The following PFN1 variants were observed in gnomAD, a reference collection of about 807,000 sequenced individuals.
PFN1 encodes profilin-1.
In PFN1, 2 loss-of-function variants were observed where a neutral mutation model predicts 11.7. The observed-to-expected ratio is 0.17, with a 90% CI of 0.07 to 0.54. The LOEUF is 0.54. PFN1 is among the 20% of genes least tolerant of loss of function. The pLI, the probability that PFN1 is intolerant of heterozygous loss-of-function variation, is 0.94. For synonymous variants in PFN1, 78 were observed against 76.2 expected (o/e 1.02, Z -0.12); for missense variants, 97 against 188.4 (o/e 0.51, Z 2.84).
chr17:4,946,609 G>T lies in PFN1; in HGVS notation c.325+19C>A. 6.3e-7 allele frequency: 1 copy of T among 1,586,906 alleles called. No individual in the cohort carries two copies. The highest frequency in any genetic ancestry group is 1.1e-5 in the South Asian group (1 of 87,504). On this transcript the variant is annotated intron_variant, in intron 2 of 2. Coordinates refer to ENST00000225655, the MANE Select transcript of PFN1 (RefSeq NM_005022.4). Reference sequence around the variant, plus strand: ...TAGAGATCTTGGAGCTAAAGGAAGGGTAAGACTCAGGAACTCACTCTTGTC... The same window carrying T: ...TAGAGATCTTGGAGCTAAAGGAAGGTTAAGACTCAGGAACTCACTCTTGTC...
intron 1 of PFN1, chr17:4,947,073 G>C: frequency 2.8e-6 from 1 of 352,392 alleles, no homozygotes; most frequent in East Asian, 4.6e-5. Flanking sequence ...CTCCTCTAGA[G>C]ATTTAGATGT....
rs561252974 is a variant in PFN1, at chr17:4,945,832, T to G, written c.*68A>C. On this transcript the variant is annotated 3_prime_UTR_variant, in exon 3 of 3. Transcript: ENST00000225655. ...TAATGGCCCAAAAAATAAAATGGTT[T>G]GTGTGTGTATGGGGAGGAAAGGGGT... 2.9e-6 allele frequency: 3 copies of G among 1,043,996 alleles called. No individual in the cohort carries two copies. Among genetic ancestry groups the G allele is most frequent in the Non-Finnish European group, 4.5e-6 (3 of 664,206 alleles). 64.7% of individuals were successfully genotyped at this position (1,043,996 alleles called of 1,614,324 possible).
rs766371231 is a variant in PFN1 at position 4,946,797 on chromosome 17, A to T, written c.156T>A (p.Val52=). The T allele has an allele frequency of 1.2e-6, 2 of 1,613,290 alleles. No homozygotes were observed. Among genetic ancestry groups the T allele is most frequent in the Non-Finnish European group, 1.7e-6 (2 of 1,179,622 alleles). ...CGTAAAAACTTGACCGGTCTTTGCC[A>T]ACCAGGACACCCACCTCAGCTGGCT... The part of the protein sequence containing the change: ...NITPAEVGVL[V]GKDRSSFYVN... The change falls in exon 2 of 3, where the codon GTT becomes GTA. Residue 52 remains valine, a synonymous_variant. Coordinates refer to ENST00000225655, the MANE Select transcript of PFN1 (RefSeq NM_005022.4).
In PFN1 at chr17:4,945,716, A is replaced by T. The variant is rs1971369329; in HGVS notation, c.*184T>A. ...CAAAAAACAAAAGTTTTCCAACCAC[A>T]CACGGGAGGGATATGGGTAGGGGGA... is the stretch of plus-strand genomic sequence containing the variant. On this transcript the variant is annotated 3_prime_UTR_variant, in exon 3 of 3. Coordinates refer to ENST00000225655, the MANE Select transcript of PFN1 (RefSeq NM_005022.4). The T allele has an allele frequency of 2.1e-6, 1 of 486,580 alleles. No individual in the cohort carries two copies. Among genetic ancestry groups the T allele is most frequent in the South Asian group, 3.9e-5 (1 of 25,904 alleles). The allele number at this position is 486,580 out of a possible 1,614,324, so 30.1% of individuals were successfully genotyped here. A position where few individuals can be genotyped will look rare whatever the true frequency, so the allele number is the denominator to read the frequency against.
rs761974632 is a variant in PFN1 at position 4,948,244 on chromosome 17, C to T, written c.132+19G>A. On this transcript the variant is annotated intron_variant, in intron 1 of 2. Transcript: ENST00000225655. ...TCCAAACCGGAGCAGTGCCCCGGAC[C>T]GCGCAGGCCTCGCAGTACCGTGATG... is the stretch of plus-strand genomic sequence containing the variant. 1.9e-6 allele frequency: 3 copies of T among 1,591,178 alleles called. No homozygotes were observed. Among genetic ancestry groups the T allele is most frequent in the Non-Finnish European group, 2.6e-6 (3 of 1,169,698 alleles).
chr17:4,947,076 TTA>T, intron 1 of PFN1: 1 of 343,666 alleles, frequency 2.9e-6, no homozygotes, highest in Non-Finnish European at 5.3e-6. Context: ...CTCTAGAGAT[TTA>T]GATGTCAGTG....
intron 1 of PFN1, 87 bp from the exon 2 acceptor site, chr17:4,946,907 C>A (rs552760995): frequency 2.9e-5 from 34 of 1,191,572 alleles, no homozygotes; most frequent in Admixed American, 4.6e-5. Flanking sequence ...TCTTCCACTT[C>A]TGAGAACCAC....
intron 1 of PFN1, 105 bp downstream of exon 1, chr17:4,948,158 C>G: frequency 7.4e-7 from 1 of 1,346,766 alleles, no homozygotes; most frequent in East Asian, 2.7e-5. Flanking sequence ...AGCACCCAGT[C>G]AGGGCCTCTC....
intron 2 of PFN1, among the ~76,000 whole-genome samples, 163 bp from the exon 3 acceptor site, chr17:4,946,160 CAAT>C (rs1567665420): frequency 1.7e-5 from 2 of 119,384 alleles, no homozygotes; most frequent in African/African-American, 3.2e-5. Context: ...CACCCTGAAA[CAAT>C]AAGGCTTTTC....
At chr17:4,948,052 G>A in intron 1 of PFN1, 1 of 485,866 alleles carries the variant, frequency 2.1e-6, no homozygotes, top group Non-Finnish European at 3.5e-6. Context: ...AAGCGGGGTA[G>A]CGGGCGGGAT....
At chr17:4,948,236 C>T (rs376748384) in intron 1 of PFN1, 27 bp downstream of exon 1, 13 of 1,585,298 alleles carry the variant, frequency 8.2e-6, no homozygotes, top group Non-Finnish European at 6.9e-6. Flanking sequence ...CGGAGCAGTG[C>T]CCCGGACCGC....
rs557936205 is a variant in PFN1, at chr17:4,946,046, T to A, written c.326-49A>T. On this transcript the variant is annotated intron_variant, in intron 2 of 2. Coordinates refer to ENST00000225655, the MANE Select transcript of PFN1 (RefSeq NM_005022.4). ...GAGGCTAGGATCCAGGTGTCACAAT[T>A]CCACCCCCTGCCAGCTGTTCAGCAG... 4.2e-4 allele frequency: 577 copies of A among 1,371,534 alleles called. 10 individuals are homozygous for A. In the South Asian group the frequency reaches 6.4e-3, roughly 15 times the overall value. The allele number at this position is 1,371,534 out of a possible 1,614,324, so 85.0% of individuals were successfully genotyped here.
intron 1 of PFN1, chr17:4,947,505 C>T (rs1027254134): frequency 2.0e-5 from 3 of 151,050 alleles, no homozygotes; most frequent in African/African-American, 7.3e-5. Flanking sequence ...ACCCCCTTCC[C>T]CCCCCTTTTG....
At chr17:4,947,989 G>A (rs893564544) in intron 1 of PFN1, 5 of 362,676 alleles carry the variant, frequency 1.4e-5, no homozygotes, top group African/African-American at 1.1e-4. Flanking sequence ...CCGCCGCACC[G>A]GGCGCCGCGC....
intron 1 of PFN1, chr17:4,947,057 G>A: frequency 2.3e-6 from 1 of 430,130 alleles, no homozygotes; most frequent in South Asian, 4.4e-5. Context: ...AGGAAGGGAT[G>A]ACATACTCCT....
rs151313170 is a variant in PFN1 at position 4,945,972 on chromosome 17, T to A, written c.351A>T (p.Glu117Asp). The A allele has an allele frequency of 1.1e-3, 1,750 of 1,613,184 alleles. 1 individual carries two copies. The highest frequency in any genetic ancestry group is 1.4e-3 in the Non-Finnish European group (1,672 of 1,179,162). ...DKTLVLLMGK[E>D]GVHGGLINKK... The stretch of plus-strand genomic sequence containing the variant: ...TGTTGATCAAACCACCGTGGACACC[T>A]TCTTTGCCCATCAGCAGGACTAGCG... The change falls in exon 3 of 3, where the codon GAA becomes GAT. Residue 117 changes from glutamate (E) to aspartate (D), a missense_variant. Coordinates refer to ENST00000225655, the MANE Select transcript of PFN1 (RefSeq NM_005022.4).
chr17:4,946,930 G>T, intron 1 of PFN1, 110 bp from the exon 2 acceptor site: 3 of 889,512 alleles, frequency 3.4e-6, no homozygotes, highest in Non-Finnish European at 5.2e-6. Context: ...CGCCGTGGGG[G>T]CTAAGTATAA....
Position 4,945,817 on chromosome 17 carries a change from AAAAAT to A in PFN1, c.*78_*82del. The A allele has an allele frequency of 2.0e-6, 2 of 992,142 alleles. No homozygotes were observed. Among genetic ancestry groups the A allele is most frequent in the Non-Finnish European group, 3.2e-6 (2 of 624,846 alleles). The allele number at this position is 992,142 out of a possible 1,614,324, so 61.5% of individuals were successfully genotyped here. ...ATAAGGGGTATGGGGTAATGGCCCA[AAAAAT>A]AAAATGGTTTGTGTGTGTATGGGGA... On this transcript the variant is annotated 3_prime_UTR_variant, in exon 3 of 3. Transcript: ENST00000225655.
At chr17:4,946,371 AAC>A (rs1206039813) in intron 2 of PFN1, among the ~76,000 whole-genome samples, 3 of 152,176 alleles carry the variant, frequency 2.0e-5, no homozygotes, top group Non-Finnish European at 4.4e-5. Flanking sequence ...ACTCCTAGAA[AAC>A]AGTTTCTAAT....
Sources: gnomAD v4.1 joint callset for allele counts (sites outside exome capture counted in the v4.1 genomes callset) on GRCh38, gnomAD v4.1.1 for gene constraint, MANE v1.5 for transcripts, NCBI Gene and HGNC (gene_info 2026-07-23, HGNC 2026-07-21) for gene names.